TMEM232: variants seen among roughly 807,000 people sequenced by gnomAD.
The protein encoded by TMEM232 is transmembrane protein 232.
Under a neutral mutation model 78.8 loss-of-function variants are expected in TMEM232, and 80 were observed. That is an observed-to-expected ratio of 1.01 (90% CI 0.85 to 1.22). The LOEUF (loss-of-function observed/expected upper bound fraction) is 1.22, where lower values mean the gene tolerates loss of function less well. Among genes scored for constraint, TMEM232 ranks in the 50% most tolerant of loss-of-function variants. The pLI, the probability that TMEM232 is intolerant of heterozygous loss-of-function variation, is 0.00. For synonymous variants in TMEM232, 297 were observed against 254.3 expected (o/e 1.17, Z -1.60); for missense variants, 881 against 742.2 (o/e 1.19, Z -2.17).
intron 2 of TMEM232, among the ~76,000 whole-genome samples, chr5:110,654,974 G>C (rs1295468748): frequency 4.6e-5 from 7 of 152,112 alleles, no homozygotes; most frequent in African/African-American, 1.4e-4. Context: ...TAGGCATTAT[G>C]ATTCAGGACA....
chr5:110,537,277 T>TTATA lies in TMEM232; in HGVS notation c.1456-8446_1456-8443dup, dbSNP rs377459137. Among the ~76,000 whole-genome samples, 726 of 142,552 alleles carry TTATA rather than the reference T, an allele frequency of 5.1e-3. 4 individuals are homozygous for TTATA. The highest frequency in any genetic ancestry group is 0.021 in the African/African-American group (682 of 33,140). 93.5% of individuals were successfully genotyped at this position (142,552 alleles called of 152,430 possible). A position where few individuals can be genotyped will look rare whatever the true frequency, so the allele number is the denominator to read the frequency against. ...GACCCTGATAATCTAAAGAGAAAAC[T>TTATA]TATATATATATATATTTTTTTTTTT... On this transcript the variant is annotated intron_variant, in intron 11 of 13. Transcript: ENST00000455884.
At chr5:110,413,673 C>T (rs1756080961) in intron 2 of TMEM232, among the ~76,000 whole-genome samples, 1 of 152,150 alleles carries the variant, frequency 6.6e-6, no homozygotes, top group African/African-American at 2.4e-5. Flanking sequence ...TAAACTCACT[C>T]CCATTCCATC....
chr5:110,670,686 C>G lies in TMEM232; in HGVS notation c.-12-3322G>C, dbSNP rs929630569. Among the ~76,000 whole-genome samples the G allele has an allele frequency of 2.6e-5, 4 of 152,118 alleles. No homozygotes were observed. The South Asian group carries it at 6.2e-4, about 24-fold the overall frequency. On this transcript the variant is annotated intron_variant, in intron 1 of 13. Coordinates refer to ENST00000455884, the MANE Select transcript of TMEM232 (RefSeq NM_001039763.4). The stretch of plus-strand genomic sequence containing the variant: ...GGAGTGCCATCCAGACTGGGTCTAA[C>G]TTTAATGTAAAACAAATGCTATTCC...
chr5:110,414,507 C>T (rs533967996), downstream of TMEM232, among the ~76,000 whole-genome samples: 23 of 152,172 alleles, frequency 1.5e-4, no homozygotes, highest in African/African-American at 5.3e-4. Flanking sequence ...TAATTTTATA[C>T]CACATTTTAA....
chr5:110,554,779 A>G (rs1246618363), intron 11 of TMEM232, among the ~76,000 whole-genome samples: 2 of 152,148 alleles, frequency 1.3e-5, no homozygotes, highest in African/African-American at 4.8e-5. Context: ...CTGTGAATCC[A>G]TCTGGTCTAA....
chr5:110,484,868 A>G (rs908857086), intron 12 of TMEM232, among the ~76,000 whole-genome samples: 1 of 152,088 alleles, frequency 6.6e-6, no homozygotes, highest in Non-Finnish European at 1.5e-5. Flanking sequence ...GTAACTGACA[A>G]TTCAACAACG....
At chr5:110,709,767 G>T (rs1177948287) in intron 1 of TMEM232, among the ~76,000 whole-genome samples, 1 of 151,832 alleles carries the variant, frequency 6.6e-6, no homozygotes, top group African/African-American at 2.4e-5. Flanking sequence ...GCTATAAATG[G>T]CTACATCAAA....
chr5:110,537,990 T>C (rs1274147912), intron 11 of TMEM232, among the ~76,000 whole-genome samples: 3 of 152,208 alleles, frequency 2.0e-5, no homozygotes, highest in Non-Finnish European at 4.4e-5. Flanking sequence ...GGGCAATCAC[T>C]TGGGCCCAAA....
chr5:110,606,441 TATG>T (rs1487260968), intron 8 of TMEM232, among the ~76,000 whole-genome samples, 154 bp from the exon 9 acceptor site: 1 of 152,072 alleles, frequency 6.6e-6, no homozygotes, highest in East Asian at 1.9e-4. Context: ...TGCTTCTCAT[TATG>T]GTAAAAATAT....
At chr5:110,607,121 A>C (rs1286467496) in intron 8 of TMEM232, among the ~76,000 whole-genome samples, 1 of 152,022 alleles carries the variant, frequency 6.6e-6, no homozygotes, top group Non-Finnish European at 1.5e-5. Flanking sequence ...TTATTATGAA[A>C]ATTAAAGACA....
At chr5:110,696,657 TAAC>T (rs1295272643) in intron 1 of TMEM232, among the ~76,000 whole-genome samples, 1 of 151,018 alleles carries the variant, frequency 6.6e-6, no homozygotes, top group Non-Finnish European at 1.5e-5. Flanking sequence ...TATACATCAA[TAAC>T]AAACGGAGAG....
At chr5:110,451,000 G>C (rs1243279873) in intron 12 of TMEM232, among the ~76,000 whole-genome samples, 1 of 151,942 alleles carries the variant, frequency 6.6e-6, no homozygotes, top group African/African-American at 2.4e-5. Flanking sequence ...AAGATCCTGG[G>C]TCACTAAGAA....
chr5:110,430,041 A>ATGAT (rs1172863374), intron 12 of TMEM232: 2 of 151,694 alleles, frequency 1.3e-5, no homozygotes, highest in Non-Finnish European at 3.0e-5. Flanking sequence ...TTAGAAGAGA[A>ATGAT]TGATAGTAGA....
intron 1 of TMEM232, among the ~76,000 whole-genome samples, chr5:110,706,994 A>G (rs1561546491): frequency 6.6e-6 from 1 of 152,232 alleles, no homozygotes. Flanking sequence ...ATTATTTTAT[A>G]TAGTCTTCAA....
chr5:110,391,477 C>T (rs2112556612), intron 3 of TMEM232, among the ~76,000 whole-genome samples: 1 of 151,940 alleles, frequency 6.6e-6, no homozygotes, highest in Middle Eastern at 3.4e-3. Context: ...TTTTCCATAT[C>T]CTTATAGAAT....
At chr5:110,505,101 A>G (rs955574432) in intron 12 of TMEM232, among the ~76,000 whole-genome samples, 1 of 152,142 alleles carries the variant, frequency 6.6e-6, no homozygotes, top group African/African-American at 2.4e-5. Flanking sequence ...ACCAAACTGG[A>G]AGAGAAGACA....
chr5:110,627,826 C>T lies in TMEM232; in HGVS notation c.556G>A (p.Glu186Lys), dbSNP rs2149950332. ...CTAAGTAAATGTTGTTTAAAACTTT[C>T]TAGATGACCATGCAGGAAAAATATA... The part of the protein sequence containing the change: ...LFIFFLHGHL[E>K]SFKQHLLRLQ... Residue 186 changes from glutamate (E) to lysine (K), a missense_variant, in exon 6 of 14, where the codon GAA becomes AAA. By Grantham distance (56) the Glu-to-Lys change is moderately conservative. Coordinates refer to ENST00000455884, the MANE Select transcript of TMEM232 (RefSeq NM_001039763.4). The T allele has an allele frequency of 6.5e-7, 1 of 1,537,294 alleles. No individual in the cohort carries two copies. Among genetic ancestry groups the T allele is most frequent in the Non-Finnish European group, 8.7e-7 (1 of 1,143,272 alleles).
At chr5:110,685,239 T>C (rs1793250641) in intron 1 of TMEM232, among the ~76,000 whole-genome samples, 1 of 152,004 alleles carries the variant, frequency 6.6e-6, no homozygotes. Flanking sequence ...AAATGTTACA[T>C]AAACATTCAT....
chr5:110,451,391 G>C (rs146527413), intron 12 of TMEM232, among the ~76,000 whole-genome samples: 1 of 151,992 alleles, frequency 6.6e-6, no homozygotes, highest in Non-Finnish European at 1.5e-5. Context: ...TGTTATTCTA[G>C]GAAATATTTC....
Sources: allele counts gnomAD v4.1 joint callset (sites outside exome capture counted in the v4.1 genomes callset), GRCh38; gene constraint gnomAD v4.1.1; transcripts MANE v1.5; gene names NCBI Gene and HGNC (gene_info 2026-07-23, HGNC 2026-07-21).